The following SLC24A2 variants were observed in gnomAD, a reference collection of about 807,000 sequenced individuals.
The protein encoded by SLC24A2 is solute carrier family 24 member 2, also known as sodium/potassium/calcium exchanger 2.
SLC24A2 carries 36 observed loss-of-function variants against 62.0 expected under a neutral mutation model. The ratio of observed to expected loss-of-function variants is 0.58; its 90% confidence interval spans 0.44 to 0.77. The LOEUF (loss-of-function observed/expected upper bound fraction) is 0.77, where lower values mean the gene tolerates loss of function less well. Ranked by LOEUF, SLC24A2 falls within the 30% of genes least tolerant of loss-of-function variation. The pLI is 0.00. For missense variants in SLC24A2, 846 were observed against 817.9 expected (o/e 1.03, Z -0.42); for synonymous variants, 358 against 294.0 (o/e 1.22, Z -2.23).
chr9:20,005,712 G>A, the SLC24A2 span, among the ~76,000 whole-genome samples: 1 of 151,870 alleles, frequency 6.6e-6, no homozygotes, highest in African/African-American at 2.4e-5. Context: ...GATGTAAATG[G>A]AGAAAAATAA....
chr9:19,804,030 C>T, the SLC24A2 span, among the ~76,000 whole-genome samples: 2 of 152,030 alleles, frequency 1.3e-5, no homozygotes, highest in East Asian at 1.9e-4. Flanking sequence ...GTACATCTTC[C>T]GATGTTGTGG....
the SLC24A2 span, among the ~76,000 whole-genome samples, chr9:20,182,134 G>A: frequency 6.6e-6 from 1 of 152,216 alleles, no homozygotes; most frequent in Non-Finnish European, 1.5e-5. Context: ...AACAACAGAT[G>A]CTGGAGAGGA....
the SLC24A2 span, among the ~76,000 whole-genome samples, chr9:19,869,239 C>T: frequency 2.0e-5 from 3 of 152,132 alleles, no homozygotes; most frequent in African/African-American, 7.2e-5. Flanking sequence ...CCTCGGACTC[C>T]CAAGATGCTA....
At chr9:20,185,183 A>G in the SLC24A2 span, among the ~76,000 whole-genome samples, 5 of 152,142 alleles carry the variant, frequency 3.3e-5, no homozygotes, top group Non-Finnish European at 7.3e-5. Context: ...CAACATGATG[A>G]CTATACTTAA....
At chr9:19,615,924 C>G (rs2117858433) in intron 4 of SLC24A2, among the ~76,000 whole-genome samples, 1 of 151,034 alleles carries the variant, frequency 6.6e-6, no homozygotes, top group South Asian at 2.1e-4. Context: ...CTGAATTCTT[C>G]CAAACAAAAA....
At chr9:19,524,161 CAAATT>C (rs1319980820) in intron 9 of SLC24A2, among the ~76,000 whole-genome samples, 12 of 69,574 alleles carry the variant, frequency 1.7e-4, no homozygotes, top group South Asian at 1.7e-3. Context: ...AAAAAAAAAG[CAAATT>C]AGGCCACTCA....
the SLC24A2 span, among the ~76,000 whole-genome samples, chr9:20,269,167 G>A: frequency 1.3e-5 from 2 of 152,090 alleles, no homozygotes; most frequent in Admixed American, 1.3e-4. Flanking sequence ...TGTGCAGGAG[G>A]GGGTCTTAGC....
At chr9:20,217,300 T>TA in the SLC24A2 span, among the ~76,000 whole-genome samples, 5 of 152,178 alleles carry the variant, frequency 3.3e-5, no homozygotes, top group Non-Finnish European at 5.9e-5. Context: ...GCTTAGCAGT[T>TA]ACCTTTGCAG....
the SLC24A2 span, among the ~76,000 whole-genome samples, chr9:20,229,018 G>A: frequency 6.6e-6 from 1 of 152,108 alleles, no homozygotes; most frequent in Non-Finnish European, 1.5e-5. Context: ...GAGGCTGGGA[G>A]CTGGGTGTGA....
the SLC24A2 span, among the ~76,000 whole-genome samples, chr9:20,206,761 G>A: frequency 2.0e-5 from 3 of 152,024 alleles, no homozygotes; most frequent in African/African-American, 7.2e-5. Flanking sequence ...TTACAGGCGT[G>A]AGCCACTTCG....
At chr9:20,054,133 C>A in the SLC24A2 span, among the ~76,000 whole-genome samples, 2 of 152,106 alleles carry the variant, frequency 1.3e-5, no homozygotes, top group African/African-American at 4.8e-5. Flanking sequence ...TGGAAAAGTT[C>A]TTTAATGGTG....
chr9:20,137,433 A>G, the SLC24A2 span, among the ~76,000 whole-genome samples: 3 of 152,152 alleles, frequency 2.0e-5, no homozygotes, highest in South Asian at 6.2e-4. Flanking sequence ...TGCTACTGTG[A>G]CTTATTGAAA....
intron 6 of SLC24A2, among the ~76,000 whole-genome samples, chr9:19,575,298 G>A (rs1191723867): frequency 1.3e-5 from 2 of 152,146 alleles, no homozygotes; most frequent in South Asian, 2.1e-4. Flanking sequence ...AGAACCTTGG[G>A]TGAATAAAAC....
the SLC24A2 span, among the ~76,000 whole-genome samples, chr9:20,118,588 C>T: frequency 6.6e-6 from 1 of 151,568 alleles, no homozygotes; most frequent in Admixed American, 6.6e-5. Flanking sequence ...CCAACAAAAC[C>T]TTAGGTATTT....
In SLC24A2 at chr9:19,639,869, G is replaced by A. The variant is rs554289942; in HGVS notation, c.931-17570C>T. On this transcript the variant is annotated intron_variant, in intron 2 of 10. Coordinates refer to ENST00000341998, the MANE Select transcript of SLC24A2 (RefSeq NM_020344.4). ...AACCTTTGAAACATAAGGCATAGTA[G>A]AGGGAGGAAAGACTAAGAGAAAGAA... Among the ~76,000 whole-genome samples the A allele has an allele frequency of 6.6e-5, 10 of 152,338 alleles. No individual in the cohort carries two copies. The South Asian group carries it at 2.1e-3, about 32-fold the overall frequency.
At chr9:19,885,713 C>A in the SLC24A2 span, among the ~76,000 whole-genome samples, 2 of 152,022 alleles carry the variant, frequency 1.3e-5, no homozygotes, top group Non-Finnish European at 2.9e-5. Flanking sequence ...TAGCATAGTA[C>A]CCGATAGGTA....
chr9:20,261,405 G>A, the SLC24A2 span, among the ~76,000 whole-genome samples: 4 of 152,156 alleles, frequency 2.6e-5, no homozygotes, highest in Non-Finnish European at 5.9e-5. Flanking sequence ...CAAAAGGGAG[G>A]ATAGGCCAGC....
the SLC24A2 span, among the ~76,000 whole-genome samples, chr9:19,984,953 A>G: frequency 6.6e-6 from 1 of 152,138 alleles, no homozygotes; most frequent in Non-Finnish European, 1.5e-5. Flanking sequence ...AAACTGCTCT[A>G]AAAAATAAGT....
At chr9:19,553,572 G>C (rs1277029371) in intron 7 of SLC24A2, among the ~76,000 whole-genome samples, 1 of 152,190 alleles carries the variant, frequency 6.6e-6, no homozygotes, top group Non-Finnish European at 1.5e-5. Flanking sequence ...TTCCCACATG[G>C]TGGGTGGTGG....
Sources: gnomAD v4.1 joint callset for allele counts (sites outside exome capture counted in the v4.1 genomes callset) on GRCh38, gnomAD v4.1.1 for gene constraint, MANE v1.5 for transcripts, NCBI Gene and HGNC (gene_info 2026-07-23, HGNC 2026-07-21) for gene names.